The following CLGN variants were observed in gnomAD, a reference collection of about 807,000 sequenced individuals.
CLGN encodes testis tissue sperm-binding protein Li 79P.
CLGN carries 62 observed loss-of-function variants against 79.1 expected under a neutral mutation model. That is an observed-to-expected ratio of 0.78 (90% CI 0.64 to 0.97). The LOEUF is 0.97. Among genes scored for constraint, CLGN ranks in the 50% least tolerant of loss-of-function variants. The probability of loss-of-function intolerance (pLI) is 0.00; values close to 1 mark genes in which losing one functional copy is unlikely to be tolerated. For missense variants in CLGN, 647 were observed against 715.5 expected, an observed-to-expected ratio of 0.90 and a Z score of 1.09; for synonymous variants, 225 against 224.7, an observed-to-expected ratio of 1.00 and a Z score of -0.01.
At chr4:140,413,658 A>T (rs1236131885) in intron 1 of CLGN, among the ~76,000 whole-genome samples, 10 of 152,236 alleles carry the variant, frequency 6.6e-5, no homozygotes, top group African/African-American at 2.4e-4. Context: ...CAGGCTTAAA[A>T]AACGGCGCAC....
intron 7 of CLGN, 99 bp from the exon 8 acceptor site, chr4:140,399,139 G>T (rs1200619357): frequency 1.1e-6 from 1 of 923,400 alleles, no homozygotes; most frequent in Non-Finnish European, 1.5e-6. Context: ...CATGGGTAAA[G>T]CTTTTTTCCC....
At chr4:140,399,993 T>C (rs564505562) in intron 7 of CLGN, among the ~76,000 whole-genome samples, 3 of 152,306 alleles carry the variant, frequency 2.0e-5, no homozygotes, top group South Asian at 4.1e-4. Flanking sequence ...CTCTTCCTTT[T>C]TATTTTCTAG....
rs767039699 is a variant in CLGN at position 140,392,722 on chromosome 4, G to C, written c.1366-11C>G. On this transcript the variant is annotated splice_polypyrimidine_tract_variant and intron_variant, in intron 11 of 14. Transcript: ENST00000325617. ...TTTTAATACACCAGGCTATAGACGA[G>C]ATAAGCATAAAAATGCAATTCAAAT... The C allele has an allele frequency of 3.9e-6, 6 of 1,555,100 alleles. No homozygotes were observed. In the East Asian group the frequency reaches 1.2e-4, roughly 30 times the overall value.
In CLGN at chr4:140,401,888, A is replaced by C. The variant is rs905156243; in HGVS notation, c.501+97T>G. ...AAAAAAGATATCTACAATTCTTTTC[A>C]ATTTCAGTTGAAGACAAAATATTCA... On this transcript the variant is annotated intron_variant, in intron 6 of 14. Transcript: ENST00000325617. 9 of 684,328 alleles carry C rather than the reference A, an allele frequency of 1.3e-5. No homozygotes were observed. The Admixed American group carries it at 1.9e-4, about 15-fold the overall frequency. 42.4% of individuals were successfully genotyped at this position (684,328 alleles called of 1,614,324 possible).
intron 5 of CLGN, among the ~76,000 whole-genome samples, chr4:140,403,055 A>T (rs1411880097): frequency 1.3e-5 from 2 of 151,378 alleles, no homozygotes; most frequent in African/African-American, 4.9e-5. Flanking sequence ...ATTTTGTATT[A>T]AAAAAAAGGA....
At chr4:140,427,036 G>A (rs940299750) in intron 1 of CLGN, among the ~76,000 whole-genome samples, 1 of 152,214 alleles carries the variant, frequency 6.6e-6, no homozygotes, top group African/African-American at 2.4e-5. Flanking sequence ...ATCTCGTTTG[G>A]GTTTCTGTAA....
chr4:140,419,273 C>T (rs1259282454), intron 1 of CLGN, among the ~76,000 whole-genome samples: 2 of 151,996 alleles, frequency 1.3e-5, no homozygotes, highest in East Asian at 1.9e-4. Flanking sequence ...TTAGTGGGTG[C>T]AGTGCACCAG....
chr4:140,408,860 C>CAT (rs112593782), intron 4 of CLGN, among the ~76,000 whole-genome samples: 68,913 of 137,780 alleles, frequency 0.5, 17,064 homozygotes, highest in Middle Eastern at 0.58. Context: ...AGTTGATAAG[C>CAT]ATATATATAT....
At chr4:140,389,557 C>T (rs1393129805) in intron 14 of CLGN, among the ~76,000 whole-genome samples, 1 of 151,662 alleles carries the variant, frequency 6.6e-6, no homozygotes, top group East Asian at 1.9e-4. Flanking sequence ...CGAAGGTACA[C>T]AAAATATTTT....
chr4:140,394,956 C>T (rs969327531), intron 10 of CLGN, among the ~76,000 whole-genome samples: 5 of 151,840 alleles, frequency 3.3e-5, no homozygotes, highest in Non-Finnish European at 5.9e-5. Flanking sequence ...CCAAGGTGGG[C>T]GGATCACGGT....
At chr4:140,412,907 T>C (rs1729240015) in intron 2 of CLGN, 28 bp downstream of exon 2, 1 of 1,596,190 alleles carries the variant, frequency 6.3e-7, no homozygotes, top group African/African-American at 1.3e-5. Context: ...AAAGGAATAA[T>C]TTATAACCCA....
At chr4:140,405,430 C>T (rs2116240) in intron 5 of CLGN, among the ~76,000 whole-genome samples, 10,895 of 151,560 alleles carry the variant, frequency 0.072, 522 homozygotes, top group African/African-American at 0.13. Flanking sequence ...GTGATCTGCC[C>T]GCCTCGGCCT....
chr4:140,413,689 C>T (rs1053063835), intron 1 of CLGN, among the ~76,000 whole-genome samples: 4 of 152,234 alleles, frequency 2.6e-5, no homozygotes, highest in African/African-American at 9.6e-5. Flanking sequence ...TATCCCGCAC[C>T]TGGCTTGGAG....
chr4:140,405,191 A>ATTTTTTTTTTTTT (rs35471612), intron 5 of CLGN, among the ~76,000 whole-genome samples: 9 of 129,042 alleles, frequency 7.0e-5, no homozygotes, highest in East Asian at 2.2e-4. Flanking sequence ...TTTTTTTTTT[A>ATTTTTTTTTTTTT]TTTTTTTTTT....
chr4:140,400,067 A>C (rs1728969479), intron 7 of CLGN, among the ~76,000 whole-genome samples: 1 of 152,184 alleles, frequency 6.6e-6, no homozygotes, highest in Non-Finnish European at 1.5e-5. Flanking sequence ...ACTGTCTTCA[A>C]CATTCTATCT....
In CLGN at chr4:140,396,816, C is replaced by T. The variant is rs146130136; in HGVS notation, c.885-611G>A. Among the ~76,000 whole-genome samples, 5 of 147,708 alleles carry T rather than the reference C, an allele frequency of 3.4e-5. No individual in the cohort carries two copies. In the East Asian group the frequency reaches 9.9e-4, roughly 29 times the overall value. ...CAGGTGATCCACCCACCTCAGCCCC[C>T]CAAAGTGCTGGGATTACAGGCATGA... On this transcript the variant is annotated intron_variant, in intron 8 of 14. Transcript: ENST00000325617.
chr4:140,418,908 G>A (rs1729402042), intron 1 of CLGN, among the ~76,000 whole-genome samples: 2 of 152,184 alleles, frequency 1.3e-5, no homozygotes, highest in South Asian at 2.1e-4. Flanking sequence ...GCACACGTAT[G>A]TTTATTGCGG....
rs577572583 is a variant in CLGN, at chr4:140,412,523, C to T, written c.144+412G>A. ...CCCTCACTTCCTTTTCTAATTCATC[C>T]TCCTTCTTAGCATTTTCTTTTCTCA... On this transcript the variant is annotated intron_variant, in intron 2 of 14. Coordinates refer to ENST00000325617, the MANE Select transcript of CLGN (RefSeq NM_004362.3). Among the ~76,000 whole-genome samples, 134 of 152,186 alleles carry T rather than the reference C, an allele frequency of 8.8e-4. 1 individual carries two copies. Among genetic ancestry groups the T allele is most frequent in the Middle Eastern group, 3.4e-3 (1 of 294 alleles).
intron 1 of CLGN, among the ~76,000 whole-genome samples, chr4:140,423,196 T>C (rs1729503225): frequency 1.3e-5 from 2 of 152,180 alleles, no homozygotes; most frequent in African/African-American, 2.4e-5. Flanking sequence ...ACCTTTACTA[T>C]GTTGAGGTGG....
Sources: gnomAD v4.1 joint callset for allele counts (sites outside exome capture counted in the v4.1 genomes callset) on GRCh38, gnomAD v4.1.1 for gene constraint, MANE v1.5 for transcripts, NCBI Gene and HGNC (gene_info 2026-07-23, HGNC 2026-07-21) for gene names.